The following PATJ variants were observed in gnomAD, a reference collection of about 807,000 sequenced individuals.
PATJ encodes inaD-like protein.
Under a neutral mutation model 224.9 loss-of-function variants are expected in PATJ, and 190 were observed. The ratio of observed to expected loss-of-function variants is 0.84; its 90% CI spans 0.75 to 0.95. PATJ has a LOEUF of 0.95. Ranked by LOEUF, PATJ falls within the 40% of genes least tolerant of loss-of-function variation. The pLI is 0.00. For missense variants in PATJ, 2,121 were observed against 2,270.3 expected, an observed-to-expected ratio of 0.93 and a Z score of 1.34; for synonymous variants, 769 against 820.3, an observed-to-expected ratio of 0.94 and a Z score of 1.07.
At chr1:61,786,077 A>G (rs1400637131) in intron 7 of PATJ, among the ~76,000 whole-genome samples, 3 of 152,250 alleles carry the variant, frequency 2.0e-5, no homozygotes, top group Non-Finnish European at 4.4e-5. Flanking sequence ...GCTGGAGTGC[A>G]GTGGCGTGAT....
intron 28 of PATJ, among the ~76,000 whole-genome samples, chr1:62,014,019 C>T (rs1646618565): frequency 6.6e-6 from 1 of 152,094 alleles, no homozygotes; most frequent in African/African-American, 2.4e-5. Flanking sequence ...AATGATCCGC[C>T]CACCTCGGCC....
chr1:61,921,431 G>A (rs1041990757), intron 26 of PATJ, among the ~76,000 whole-genome samples: 3 of 152,004 alleles, frequency 2.0e-5, no homozygotes, highest in African/African-American at 7.3e-5. Context: ...TTTTTTAGAG[G>A]GACACCTATT....
chr1:61,805,661 T>C (rs1004792843), intron 13 of PATJ, 137 bp downstream of exon 13: 2 of 601,294 alleles, frequency 3.3e-6, no homozygotes, highest in East Asian at 5.7e-5. Flanking sequence ...TCTTCCCTAG[T>C]GGATCAATCG....
chr1:61,812,276 T>C (rs954195397), intron 14 of PATJ, among the ~76,000 whole-genome samples: 1 of 151,860 alleles, frequency 6.6e-6, no homozygotes, highest in Non-Finnish European at 1.5e-5. Flanking sequence ...TATAAAAGGC[T>C]TCAGATGATA....
intron 28 of PATJ, among the ~76,000 whole-genome samples, chr1:62,007,669 A>C (rs1646172153): frequency 6.6e-6 from 1 of 152,246 alleles, no homozygotes; most frequent in Non-Finnish European, 1.5e-5. Context: ...TATTTCTCAC[A>C]GTTCTGGAGG....
chr1:62,160,503 CT>C (rs1669740636), intron 43 of PATJ, among the ~76,000 whole-genome samples: 1 of 152,166 alleles, frequency 6.6e-6, no homozygotes, highest in East Asian at 1.9e-4. Context: ...AATGGGAACT[CT>C]GTATAATGGT....
chr1:61,827,831 T>C (rs1315384595), intron 16 of PATJ, among the ~76,000 whole-genome samples: 1 of 152,226 alleles, frequency 6.6e-6, no homozygotes, highest in Non-Finnish European at 1.5e-5. Context: ...GAATCTTTGT[T>C]TTTAGTAATT....
At chr1:61,746,837 G>T (rs866009898) in intron 1 of PATJ, among the ~76,000 whole-genome samples, 2 of 152,120 alleles carry the variant, frequency 1.3e-5, no homozygotes, top group Non-Finnish European at 2.9e-5. Context: ...ATAACATTAG[G>T]ATGTATTTTC....
At chr1:62,158,981 C>T (rs928170304) in intron 43 of PATJ, among the ~76,000 whole-genome samples, 3 of 152,024 alleles carry the variant, frequency 2.0e-5, no homozygotes, top group African/African-American at 7.2e-5. Flanking sequence ...CCTTGCATTA[C>T]TAAAAAAGAT....
chr1:61,858,289 G>T (rs929156304), intron 18 of PATJ, among the ~76,000 whole-genome samples: 36 of 152,204 alleles, frequency 2.4e-4, no homozygotes, highest in African/African-American at 8.4e-4. Context: ...TGGAGACAGA[G>T]CCTCACTCCG....
At chr1:62,078,756 TTTCTTTCTTGTTCA>T (rs1363700528) in intron 31 of PATJ, 1 of 152,268 alleles carries the variant, frequency 6.6e-6, no homozygotes, top group Non-Finnish European at 1.5e-5. Context: ...TTCTTTGTTC[TTTCTTTCTTGTTCA>T]TTCATTCATC....
At chr1:62,155,297 A>G (rs1249928501) in intron 43 of PATJ, among the ~76,000 whole-genome samples, 2 of 152,072 alleles carry the variant, frequency 1.3e-5, no homozygotes, top group African/African-American at 4.8e-5. Flanking sequence ...AGGCCTTTTG[A>G]CCTGGACCCA....
intron 27 of PATJ, among the ~76,000 whole-genome samples, chr1:61,960,690 T>G (rs1027578749): frequency 9.2e-5 from 14 of 152,132 alleles, no homozygotes; most frequent in African/African-American, 3.1e-4. Context: ...GTTTTACCTT[T>G]GAACGAAGTA....
intron 28 of PATJ, among the ~76,000 whole-genome samples, chr1:61,997,982 T>TTTTATATATATATA (rs374175697): frequency 0.035 from 4,120 of 118,122 alleles, 360 homozygotes; most frequent in East Asian, 0.35. Flanking sequence ...TGTGCCCAGC[T>TTTTATATATATATA]TATATATGTA....
chr1:62,020,763 G>A (rs541272754), intron 29 of PATJ, among the ~76,000 whole-genome samples: 2 of 152,282 alleles, frequency 1.3e-5, no homozygotes, highest in South Asian at 4.1e-4. Flanking sequence ...CTAATTCTTA[G>A]TCCATTTGGG....
chr1:62,117,311 C>A, intron 37 of PATJ, 93 bp downstream of exon 37: 1 of 1,569,626 alleles, frequency 6.4e-7, no homozygotes, highest in Non-Finnish European at 8.6e-7. Flanking sequence ...GAAATAATAT[C>A]TAATGTACAG....
At chr1:62,043,574 A>G (rs1651923965) in intron 30 of PATJ, among the ~76,000 whole-genome samples, 1 of 152,232 alleles carries the variant, frequency 6.6e-6, no homozygotes, top group Non-Finnish European at 1.5e-5. Context: ...ATATTATCAC[A>G]GCCCTCTAGT....
chr1:61,878,944 C>T (rs1024095264), intron 21 of PATJ, among the ~76,000 whole-genome samples: 16 of 151,854 alleles, frequency 1.1e-4, no homozygotes, highest in African/African-American at 1.5e-4. Flanking sequence ...CCACCACACC[C>T]GGCTAATTTT....
intron 42 of PATJ, among the ~76,000 whole-genome samples, chr1:62,149,750 C>G (rs554349701): frequency 1.0e-3 from 158 of 151,800 alleles, no homozygotes; most frequent in Non-Finnish European, 1.8e-3. Flanking sequence ...CTGGGAACCA[C>G]AAGCTTAAAG....
Sources: gnomAD v4.1 joint callset for allele counts (sites outside exome capture counted in the v4.1 genomes callset) on GRCh38, gnomAD v4.1.1 for gene constraint, MANE v1.5 for transcripts, NCBI Gene and HGNC (gene_info 2026-07-23, HGNC 2026-07-21) for gene names.